Variants in C19orf12 observed in about 807,000 individuals in gnomAD.
C19orf12 encodes chromosome 19 open reading frame 12.
Under a neutral mutation model 3.8 loss-of-function variants are expected in C19orf12, and 2 were observed. The ratio of observed to expected loss-of-function variants is 0.53; its 90% CI spans 0.22 to 1.66. The LOEUF (loss-of-function observed/expected upper bound fraction) is 1.66, where lower values mean the gene tolerates loss of function less well. C19orf12 is among the 40% of genes most tolerant of loss of function. The pLI, the probability that C19orf12 is intolerant of heterozygous loss-of-function variation, is 0.20. For synonymous variants in C19orf12, 89 were observed against 84.6 expected (o/e 1.05, Z -0.28); for missense variants, 156 against 188.8 (o/e 0.83, Z 1.02).
intron 1 of C19orf12, among the ~76,000 whole-genome samples, chr19:29,714,541 C>T (rs1001434): frequency 0.3 from 45,384 of 151,928 alleles, 8,626 homozygotes; most frequent in African/African-American, 0.51. Flanking sequence ...ATCTCACCTC[C>T]TAAAGCATTA....
At chr19:29,704,234 C>T (rs1282771549) in intron 2 of C19orf12, among the ~76,000 whole-genome samples, 1 of 152,074 alleles carries the variant, frequency 6.6e-6, no homozygotes, top group Admixed American at 6.5e-5. Context: ...CTTTGAGAGG[C>T]CGAGGTGGGC....
At chr19:29,713,171 C>T (rs1268605156) in intron 1 of C19orf12, among the ~76,000 whole-genome samples, 1 of 152,184 alleles carries the variant, frequency 6.6e-6, no homozygotes, top group Non-Finnish European at 1.5e-5. Flanking sequence ...TCTCCCACCG[C>T]AAGGCTGCCT....
chr19:29,708,226 G>A (rs1244578359), intron 2 of C19orf12, 28 bp downstream of exon 2: 1 of 1,607,290 alleles, frequency 6.2e-7, no homozygotes. Flanking sequence ...CCCGAGGCTG[G>A]CTATCTCTGT....
chr19:29,703,008 G>T (rs1157184382), intron 2 of C19orf12, 31 bp from the exon 3 acceptor site: 5 of 1,613,896 alleles, frequency 3.1e-6, no homozygotes, highest in Non-Finnish European at 4.2e-6. Context: ...CAATTAGTGG[G>T]TCTTATTCAT....
At chr19:29,704,853 A>G (rs971653573) in intron 2 of C19orf12, among the ~76,000 whole-genome samples, 8 of 152,242 alleles carry the variant, frequency 5.3e-5, no homozygotes, top group African/African-American at 1.9e-4. Context: ...TCCGAGGCCC[A>G]GGACACAGAA....
chr19:29,703,850 G>T (rs1481823502), intron 2 of C19orf12, among the ~76,000 whole-genome samples: 1 of 152,078 alleles, frequency 6.6e-6, no homozygotes, highest in African/African-American at 2.4e-5. Flanking sequence ...AATTAGCTGG[G>T]CTTGGGGGCA....
chr19:29,708,030 C>A (rs1244603217), intron 2 of C19orf12, among the ~76,000 whole-genome samples: 1 of 152,130 alleles, frequency 6.6e-6, no homozygotes, highest in Non-Finnish European at 1.5e-5. Context: ...AGACACCCGC[C>A]ACCACGCCCA....
At position 29,701,598 on chromosome 19, in the gene C19orf12, G is replaced by C. The variant is rs1048123; in HGVS notation, c.*1114C>G. The C allele has an allele frequency of 0.47, 214,419 of 453,896 alleles. 56,041 individuals are homozygous for C. Among genetic ancestry groups the C allele is most frequent in the Non-Finnish European group, 0.59 (134,456 of 226,750 alleles). The allele number at this position is 453,896 out of a possible 1,614,324, so 28.1% of individuals were successfully genotyped here. A position where few individuals can be genotyped will look rare whatever the true frequency, so the allele number is the denominator to read the frequency against. On this transcript the variant is annotated 3_prime_UTR_variant, in exon 3 of 3. Coordinates refer to ENST00000323670, the MANE Select transcript of C19orf12 (RefSeq NM_031448.6). ...GCTGACTGTACTGGGGAAATCTTTA[G>C]GGTAGAAACATTTCTTAGAGATGGT...
chr19:29,708,583 A>C, intron 1 of C19orf12, 160 bp from the exon 2 acceptor site: 1 of 850,920 alleles, frequency 1.2e-6, no homozygotes, highest in South Asian at 1.4e-5. Context: ...GACGGTGGAA[A>C]GTTCCCACAG....
Position 29,700,969 on chromosome 19 carries a change from C to G in C19orf12, c.*1743G>C. On this transcript the variant is annotated 3_prime_UTR_variant, in exon 3 of 3. Coordinates refer to ENST00000323670, the MANE Select transcript of C19orf12 (RefSeq NM_031448.6). ...TGGAGGTCTCACTATATTGCCCAGG[C>G]TAGTTTCAAACTCTTGGCCTCAAGC... is the stretch of plus-strand genomic sequence containing the variant. 2 of 454,102 alleles carry G rather than the reference C, an allele frequency of 4.4e-6. No homozygotes were observed. The highest frequency in any genetic ancestry group is 8.8e-6 in the Non-Finnish European group (2 of 226,786). The allele number at this position is 454,102 out of a possible 1,614,324, so 28.1% of individuals were successfully genotyped here. A position where few individuals can be genotyped will look rare whatever the true frequency, so the allele number is the denominator to read the frequency against.
rs1009984598 is a variant in C19orf12 at position 29,700,966 on chromosome 19, A to G, written c.*1746T>C. 5 of 454,108 alleles carry G rather than the reference A, an allele frequency of 1.1e-5. No homozygotes were observed. Among genetic ancestry groups the G allele is most frequent in the Non-Finnish European group, 1.8e-5 (4 of 226,782 alleles). 28.1% of individuals were successfully genotyped at this position (454,108 alleles called of 1,614,324 possible). A position where few individuals can be genotyped will look rare whatever the true frequency, so the allele number is the denominator to read the frequency against. On this transcript the variant is annotated 3_prime_UTR_variant, in exon 3 of 3. Transcript: ENST00000323670. ...AGATGGAGGTCTCACTATATTGCCC[A>G]GGCTAGTTTCAAACTCTTGGCCTCA...
rs112544662 is a variant in C19orf12 at position 29,701,129 on chromosome 19, G to A, written c.*1583C>T. The A allele has an allele frequency of 2.2e-6, 1 of 453,980 alleles. No individual in the cohort carries two copies. Among genetic ancestry groups the A allele is most frequent in the African/African-American group, 2.0e-5 (1 of 49,994 alleles). The allele number at this position is 453,980 out of a possible 1,614,324, so 28.1% of individuals were successfully genotyped here. A position where few individuals can be genotyped will look rare whatever the true frequency, so the allele number is the denominator to read the frequency against. ...TCCATTTGTAAGACTTTGAATATTA[G>A]AGATATTTTACACATAATATGTGGG... On this transcript the variant is annotated 3_prime_UTR_variant, in exon 3 of 3. Coordinates refer to ENST00000323670, the MANE Select transcript of C19orf12 (RefSeq NM_031448.6).
chr19:29,703,938 C>T (rs1337676502), intron 2 of C19orf12, among the ~76,000 whole-genome samples: 1 of 151,832 alleles, frequency 6.6e-6, no homozygotes, highest in Non-Finnish European at 1.5e-5. Flanking sequence ...TGCAGTGAGC[C>T]GAGATCATAC....
At position 29,699,746 on chromosome 19, in the gene C19orf12, G is replaced by A. The variant is rs765446165; in HGVS notation, c.*2966C>T. Reference sequence around the variant, plus strand: ...GGTAACAGTGGCTGCCTCTGGGGTCGGCATAGGAGCAGGCCTTCCCTTGCA... The same window carrying A: ...GGTAACAGTGGCTGCCTCTGGGGTCAGCATAGGAGCAGGCCTTCCCTTGCA... On this transcript the variant is annotated 3_prime_UTR_variant, in exon 3 of 3. Coordinates refer to ENST00000323670, the MANE Select transcript of C19orf12 (RefSeq NM_031448.6). 8.8e-6 allele frequency: 4 copies of A among 453,922 alleles called. No individual in the cohort carries two copies. The highest frequency in any genetic ancestry group is 6.9e-5 in the East Asian group (1 of 14,406). The allele number at this position is 453,922 out of a possible 1,614,324, so 28.1% of individuals were successfully genotyped here. A position where few individuals can be genotyped will look rare whatever the true frequency, so the allele number is the denominator to read the frequency against.
intron 1 of C19orf12, among the ~76,000 whole-genome samples, chr19:29,709,009 G>T (rs796679611): frequency 6.6e-6 from 1 of 152,222 alleles, no homozygotes; most frequent in Admixed American, 6.5e-5. Flanking sequence ...AGTGCCTGGC[G>T]TAAGTCTGGA....
chr19:29,715,174 C>A lies in C19orf12; in HGVS notation c.-60G>T. The A allele has an allele frequency of 3.7e-6, 2 of 534,068 alleles. No individual in the cohort carries two copies. Among genetic ancestry groups the A allele is most frequent in the South Asian group, 1.8e-5 (1 of 54,066 alleles). The allele number at this position is 534,068 out of a possible 1,614,324, so 33.1% of individuals were successfully genotyped here. A position where few individuals can be genotyped will look rare whatever the true frequency, so the allele number is the denominator to read the frequency against. The stretch of plus-strand genomic sequence containing the variant: ...CGCGCTCGGCGATCAGACGCGGCTG[C>A]AGCCCGGGCCTGGCAGGCCCCGGGC... On this transcript the variant is annotated 5_prime_UTR_variant, in exon 1 of 3. Transcript: ENST00000323670.
intron 1 of C19orf12, among the ~76,000 whole-genome samples, chr19:29,710,877 G>A (rs527822714): frequency 3.3e-5 from 5 of 152,040 alleles, no homozygotes; most frequent in Non-Finnish European, 7.4e-5. Flanking sequence ...ATGTCTAAAC[G>A]ATAAAATGGC....
chr19:29,708,734 G>A, intron 1 of C19orf12: 1 of 412,004 alleles, frequency 2.4e-6, no homozygotes, highest in Non-Finnish European at 4.6e-6. Flanking sequence ...CATCACGAGG[G>A]AGGTGGTCTG....
At chr19:29,715,502 C>G (rs766597352), upstream of C19orf12, 1 of 331,632 alleles carries the variant, frequency 3.0e-6, no homozygotes, top group Non-Finnish European at 6.3e-6. Context: ...GCCGCGCTCC[C>G]GCAGGCCCAG....
Sources: allele counts gnomAD v4.1 joint callset (sites outside exome capture counted in the v4.1 genomes callset), GRCh38; gene constraint gnomAD v4.1.1; transcripts MANE v1.5; gene names NCBI Gene and HGNC (gene_info 2026-07-23, HGNC 2026-07-21).